Variants in CNTN1 observed in about 807,000 individuals in gnomAD.
CNTN1 encodes contactin-1.
CNTN1 carries 38 observed loss-of-function variants against 126.4 expected under a neutral mutation model. The ratio of observed to expected loss-of-function variants is 0.30; its 90% CI spans 0.23 to 0.39. CNTN1 has a LOEUF of 0.39. Ranked by LOEUF, CNTN1 falls within the 10% of genes least tolerant of loss-of-function variation. CNTN1 has a pLI of 1.00. For missense variants in CNTN1, 1,009 were observed against 1,248.4 expected, an observed-to-expected ratio of 0.81 and a Z score of 2.89; for synonymous variants, 413 against 422.6, an observed-to-expected ratio of 0.98 and a Z score of 0.28.
intron 23 of CNTN1, among the ~76,000 whole-genome samples, chr12:41,033,530 G>C (rs1949190780): frequency 3.3e-5 from 5 of 152,204 alleles, no homozygotes; most frequent in Admixed American, 2.6e-4. Flanking sequence ...ATAGACTATA[G>C]ATAGCTGAAT....
At chr12:40,769,051 A>G (rs960073578) in intron 1 of CNTN1, among the ~76,000 whole-genome samples, 1 of 152,188 alleles carries the variant, frequency 6.6e-6, no homozygotes, top group Non-Finnish European at 1.5e-5. Flanking sequence ...AGCAGGGTCT[A>G]CAGAAGGTCT....
intron 1 of CNTN1, among the ~76,000 whole-genome samples, chr12:40,718,081 C>G (rs1313931692): frequency 6.6e-6 from 1 of 152,196 alleles, no homozygotes; most frequent in Non-Finnish European, 1.5e-5. Context: ...TGACGGATAT[C>G]TCTTTCTTAA....
At chr12:40,846,626 T>C (rs774359658) in intron 1 of CNTN1, among the ~76,000 whole-genome samples, 1 of 152,122 alleles carries the variant, frequency 6.6e-6, no homozygotes, top group Non-Finnish European at 1.5e-5. Context: ...AAGGAGACTT[T>C]GGGAGAGTTT....
intron 1 of CNTN1, among the ~76,000 whole-genome samples, chr12:40,734,453 G>A (rs1942571503): frequency 6.6e-6 from 1 of 152,108 alleles, no homozygotes; most frequent in South Asian, 2.1e-4. Context: ...TGAAAAGGCA[G>A]TAGACCTTTA....
intron 6 of CNTN1, among the ~76,000 whole-genome samples, chr12:40,925,135 TA>T (rs1480173766): frequency 6.6e-6 from 1 of 151,806 alleles, no homozygotes; most frequent in Non-Finnish European, 1.5e-5. Flanking sequence ...ATCTACTTTA[TA>T]AATGGGGCTA....
At chr12:40,984,918 G>GT (rs1947915892) in intron 16 of CNTN1, among the ~76,000 whole-genome samples, 1 of 151,974 alleles carries the variant, frequency 6.6e-6, no homozygotes, top group East Asian at 1.9e-4. Flanking sequence ...AATAAGTTAA[G>GT]AGAAGATAGA....
chr12:40,953,729 T>A (rs536701945), intron 14 of CNTN1, among the ~76,000 whole-genome samples: 1 of 152,140 alleles, frequency 6.6e-6, no homozygotes, highest in South Asian at 2.1e-4. Context: ...AAATTTAATA[T>A]AATGTATTCT....
chr12:40,906,232 C>G (rs1186938446), intron 1 of CNTN1, among the ~76,000 whole-genome samples: 1 of 152,146 alleles, frequency 6.6e-6, no homozygotes, highest in East Asian at 1.9e-4. Flanking sequence ...GACTGCACCA[C>G]TGCACTCCAG....
chr12:40,933,815 T>A lies in CNTN1; in HGVS notation c.922T>A (p.Tyr308Asn). 6.2e-7 allele frequency: 1 copy of A among 1,612,694 alleles called. No individual in the cohort carries two copies. Among genetic ancestry groups the A allele is most frequent in the Non-Finnish European group, 8.5e-7 (1 of 1,179,026 alleles). The change falls in exon 9 of 24, where the codon TAT (tyrosine) becomes AAT (asparagine). Residue 308 changes from tyrosine (Y) to asparagine (N), a missense_variant. By Grantham distance (143) the Tyr-to-Asn change is moderately radical (BLOSUM62 -2). Transcript: ENST00000551295. ...FNIQLEDEGIYECEAENIRGK... is the reference protein window; with the variant it reads ...FNIQLEDEGINECEAENIRGK... ...TATTCAGCTAGAAGATGAAGGCATCTATGAATGTGAGGCTGAGAACATTAG... is the reference window on the plus strand; with the variant it reads ...TATTCAGCTAGAAGATGAAGGCATCAATGAATGTGAGGCTGAGAACATTAG...
At position 40,700,530 on chromosome 12, in the gene CNTN1, TA is replaced by T. The variant is rs112912400; in HGVS notation, c.-77+7949del. 3.2e-4 allele frequency among the ~76,000 whole-genome samples: 47 copies of T among 145,364 alleles called. No homozygotes were observed. The East Asian group carries it at 4.2e-3, about 13-fold the overall frequency. On this transcript the variant is annotated intron_variant, in intron 1 of 23. Transcript: ENST00000551295. ...GACAGGGTGAGACTCTGTCTCAAAA[TA>T]AAAAAAAAAATAAAAAATAAACTGG...
At chr12:40,803,747 T>A (rs972829317) in intron 1 of CNTN1, among the ~76,000 whole-genome samples, 11 of 150,008 alleles carry the variant, frequency 7.3e-5, no homozygotes, top group African/African-American at 1.7e-4. Flanking sequence ...GGAGAGAACA[T>A]GAAGGAGAAG....
At chr12:40,695,292 G>T (rs1328598247) in intron 1 of CNTN1, among the ~76,000 whole-genome samples, 1 of 152,168 alleles carries the variant, frequency 6.6e-6, no homozygotes, top group African/African-American at 2.4e-5. Flanking sequence ...GCTATGCCTT[G>T]GGAGGAAACT....
At chr12:40,967,251 G>A (rs1280397717) in intron 15 of CNTN1, among the ~76,000 whole-genome samples, 1 of 152,060 alleles carries the variant, frequency 6.6e-6, no homozygotes, top group Admixed American at 6.6e-5. Flanking sequence ...GGGAGGCCAA[G>A]GCGGGTGGAT....
At chr12:40,720,966 T>C (rs1942191946) in intron 1 of CNTN1, among the ~76,000 whole-genome samples, 1 of 143,248 alleles carries the variant, frequency 7.0e-6, no homozygotes, top group African/African-American at 2.5e-5. Context: ...TATATATATG[T>C]GTATATATGT....
chr12:40,786,961 A>T (rs1247148533), intron 1 of CNTN1, among the ~76,000 whole-genome samples: 1 of 152,182 alleles, frequency 6.6e-6, no homozygotes, highest in African/African-American at 2.4e-5. Flanking sequence ...CTAATAAATG[A>T]GTATAAATCT....
chr12:40,808,382 C>A (rs1330008297), intron 1 of CNTN1, among the ~76,000 whole-genome samples: 2 of 151,892 alleles, frequency 1.3e-5, no homozygotes, highest in Admixed American at 1.3e-4. Flanking sequence ...AATATTTCCA[C>A]CATGGTTGAT....
chr12:41,042,528 C>A (rs1339487736), intron 23 of CNTN1, among the ~76,000 whole-genome samples: 1 of 151,942 alleles, frequency 6.6e-6, no homozygotes, highest in Non-Finnish European at 1.5e-5. Context: ...GTTAAAGTCT[C>A]CCATTATTAT....
intron 1 of CNTN1, among the ~76,000 whole-genome samples, chr12:40,782,601 G>A (rs559920049): frequency 1.3e-5 from 2 of 152,008 alleles, no homozygotes; most frequent in East Asian, 1.9e-4. Flanking sequence ...TTGCTGGAGG[G>A]ACAATTGGAA....
chr12:40,995,583 T>C (rs1948193052), intron 17 of CNTN1, among the ~76,000 whole-genome samples: 2 of 152,142 alleles, frequency 1.3e-5, no homozygotes, highest in Admixed American at 1.3e-4. Flanking sequence ...CCTCTTACAT[T>C]TTCTCAAATG....
Sources: gnomAD v4.1 joint callset for allele counts (sites outside exome capture counted in the v4.1 genomes callset) on GRCh38, gnomAD v4.1.1 for gene constraint, MANE v1.5 for transcripts, NCBI Gene and HGNC (gene_info 2026-07-23, HGNC 2026-07-21) for gene names.